LYPLAL1: variants seen among roughly 807,000 people sequenced by gnomAD.
LYPLAL1 encodes the protein lysophospholipase-like protein 1.
A neutral mutation model predicts 19.7 loss-of-function variants in LYPLAL1; 23 were observed. The observed-to-expected ratio is 1.17, with a 90% CI of 0.84 to 1.65. LYPLAL1 has a LOEUF of 1.65. Ranked by LOEUF, LYPLAL1 falls within the 40% of genes most tolerant of loss-of-function variation. The pLI is 0.00. For missense variants in LYPLAL1, 355 were observed against 279.4 expected (o/e 1.27, Z -1.93); for synonymous variants, 119 against 96.3 (o/e 1.24, Z -1.38).
chr1:219,193,058 T>TTG (rs1553299849), intron 2 of LYPLAL1, 24 bp from the exon 3 acceptor site: 844 of 1,188,676 alleles, frequency 7.1e-4, no homozygotes, highest in South Asian at 1.6e-3. Context: ...TCTTTTTTTT[T>TTG]GGGGGGGGGC....
the LYPLAL1 span, among the ~76,000 whole-genome samples, chr1:219,261,645 A>G: frequency 1.3e-5 from 2 of 152,224 alleles, no homozygotes; most frequent in African/African-American, 4.8e-5. Context: ...GCTGGATACA[A>G]AAATCTTGGC....
At chr1:219,214,181 T>C (rs1056650346), downstream of LYPLAL1, among the ~76,000 whole-genome samples, 3 of 152,180 alleles carry the variant, frequency 2.0e-5, no homozygotes, top group Non-Finnish European at 2.9e-5. Context: ...ACTGTGGTGC[T>C]CAATTTTGGT....
chr1:219,242,500 A>C, the LYPLAL1 span, among the ~76,000 whole-genome samples: 1 of 152,056 alleles, frequency 6.6e-6, no homozygotes. Context: ...AGACCTTTAC[A>C]ATGCCTGCCT....
chr1:219,259,935 CCAACACT>C, the LYPLAL1 span, among the ~76,000 whole-genome samples: 1 of 116,216 alleles, frequency 8.6e-6, no homozygotes, highest in Admixed American at 1.0e-4. Context: ...AGTAATTAAA[CCAACACT>C]CATAACTTTT....
At chr1:219,191,182 CTT>C (rs1657153767) in intron 2 of LYPLAL1, among the ~76,000 whole-genome samples, 1 of 151,510 alleles carries the variant, frequency 6.6e-6, no homozygotes, top group African/African-American at 2.4e-5. Flanking sequence ...ATTTTTACAA[CTT>C]TTATGGAAGC....
At chr1:219,305,014 C>T in the LYPLAL1 span, among the ~76,000 whole-genome samples, 39 of 152,284 alleles carry the variant, frequency 2.6e-4, no homozygotes, top group African/African-American at 8.9e-4. Flanking sequence ...CACAGGAGGA[C>T]GTCAGCCAAA....
the LYPLAL1 span, among the ~76,000 whole-genome samples, chr1:219,315,116 T>G: frequency 3.3e-5 from 5 of 152,148 alleles, no homozygotes; most frequent in African/African-American, 1.2e-4. Context: ...ATATAATAGA[T>G]ATTTTAAGTA....
chr1:219,375,737 T>TTC, the LYPLAL1 span, among the ~76,000 whole-genome samples: 47 of 69,774 alleles, frequency 6.7e-4, no homozygotes, highest in Middle Eastern at 0.01. Context: ...TGCTTCCTGA[T>TTC]TTTTTTTTTT....
chr1:219,329,848 G>A, the LYPLAL1 span, among the ~76,000 whole-genome samples: 3 of 152,258 alleles, frequency 2.0e-5, no homozygotes, highest in East Asian at 1.9e-4. Flanking sequence ...AACCTGTGGC[G>A]TTCAAGTAGG....
the LYPLAL1 span, among the ~76,000 whole-genome samples, chr1:219,327,636 T>C: frequency 6.6e-6 from 1 of 152,228 alleles, no homozygotes; most frequent in African/African-American, 2.4e-5. Flanking sequence ...AGGAATAGTG[T>C]GATATAGTTT....
At chr1:219,411,547 G>C in the LYPLAL1 span, among the ~76,000 whole-genome samples, 1 of 152,150 alleles carries the variant, frequency 6.6e-6, no homozygotes, top group African/African-American at 2.4e-5. Flanking sequence ...CAATCAGCAG[G>C]ATGTGGGTGG....
At chr1:219,190,134 T>C (rs1462233905) in intron 2 of LYPLAL1, among the ~76,000 whole-genome samples, 2 of 151,416 alleles carry the variant, frequency 1.3e-5, no homozygotes, top group Non-Finnish European at 3.0e-5. Flanking sequence ...TCACAAGACA[T>C]AGAAAATTAT....
At chr1:219,234,297 G>A in the LYPLAL1 span, among the ~76,000 whole-genome samples, 1 of 151,990 alleles carries the variant, frequency 6.6e-6, no homozygotes, top group Non-Finnish European at 1.5e-5. Flanking sequence ...TTTCAGCTTT[G>A]CAAAACAAAG....
chr1:219,438,264 C>T, the LYPLAL1 span, among the ~76,000 whole-genome samples: 1 of 152,132 alleles, frequency 6.6e-6, no homozygotes, highest in East Asian at 1.9e-4. Flanking sequence ...AGTAGACATC[C>T]AGAGGGAGCC....
chr1:219,237,561 TTTGTTATC>T, the LYPLAL1 span, among the ~76,000 whole-genome samples: 1 of 152,254 alleles, frequency 6.6e-6, no homozygotes, highest in African/African-American at 2.4e-5. Context: ...TAGAGTTATA[TTTGTTATC>T]TTGTTGCTCG....
chr1:219,389,330 G>T, the LYPLAL1 span, among the ~76,000 whole-genome samples: 1 of 152,130 alleles, frequency 6.6e-6, no homozygotes, highest in African/African-American at 2.4e-5. Context: ...AAGAGTATGG[G>T]GAAGGCCTGA....
At chr1:219,221,364 A>C in the LYPLAL1 span, among the ~76,000 whole-genome samples, 10 of 152,286 alleles carry the variant, frequency 6.6e-5, no homozygotes, top group Admixed American at 1.3e-4. Context: ...GAAAAGCTGC[A>C]TCTTTTCATG....
At chr1:219,262,613 C>A in the LYPLAL1 span, among the ~76,000 whole-genome samples, 1 of 152,166 alleles carries the variant, frequency 6.6e-6, no homozygotes, top group Non-Finnish European at 1.5e-5. Context: ...TTTTCTGGGT[C>A]TAGCCACCCA....
intron 2 of LYPLAL1, among the ~76,000 whole-genome samples, chr1:219,185,233 G>C (rs1448391111): frequency 6.6e-6 from 1 of 151,448 alleles, no homozygotes; most frequent in Non-Finnish European, 1.5e-5. Flanking sequence ...ATGATTTGTT[G>C]TTGATAACTT....
Sources: gnomAD v4.1 joint callset for allele counts (sites outside exome capture counted in the v4.1 genomes callset) on GRCh38, gnomAD v4.1.1 for gene constraint, MANE v1.5 for transcripts, NCBI Gene and HGNC (gene_info 2026-07-23, HGNC 2026-07-21) for gene names.